The following TRIM44 variants were observed in gnomAD, a reference collection of about 807,000 sequenced individuals.
The protein encoded by TRIM44 is tripartite motif-containing protein 44.
In TRIM44, 13 loss-of-function variants were observed where a neutral mutation model predicts 37.4. The ratio of observed to expected loss-of-function variants is 0.35; its 90% confidence interval spans 0.23 to 0.55. The LOEUF (loss-of-function observed/expected upper bound fraction) is 0.55. Among genes scored for constraint, TRIM44 ranks in the 20% least tolerant of loss-of-function variants. TRIM44 has a pLI of 0.89. For missense variants in TRIM44, 426 were observed against 437.2 expected (o/e 0.97, Z 0.23); for synonymous variants, 175 against 157.2 (o/e 1.11, Z -0.85).
chr11:35,778,236 A>G (rs1391258752), intron 4 of TRIM44, among the ~76,000 whole-genome samples: 3 of 152,004 alleles, frequency 2.0e-5, no homozygotes, highest in African/African-American at 7.2e-5. Flanking sequence ...CCTTTCTTCC[A>G]CTTGATCAAA....
intron 3 of TRIM44, 39 bp downstream of exon 3, chr11:35,726,202 TAGG>T: frequency 2.5e-6 from 4 of 1,605,100 alleles, no homozygotes; most frequent in Non-Finnish European, 3.4e-6. Context: ...GCAAGAGAAA[TAGG>T]AGGAAACTGA....
chr11:35,753,086 T>A (rs1310217834), intron 4 of TRIM44, among the ~76,000 whole-genome samples: 1 of 152,234 alleles, frequency 6.6e-6, no homozygotes, highest in Non-Finnish European at 1.5e-5. Flanking sequence ...TAGGAAAGTC[T>A]TAGATTCACT....
chr11:35,751,418 C>A (rs1852557954), intron 4 of TRIM44, among the ~76,000 whole-genome samples: 1 of 152,104 alleles, frequency 6.6e-6, no homozygotes, highest in Non-Finnish European at 1.5e-5. Context: ...TATGGCCAGG[C>A]CTTGATGCCA....
chr11:35,697,948 T>C (rs1282387355), intron 2 of TRIM44, among the ~76,000 whole-genome samples: 1 of 151,562 alleles, frequency 6.6e-6, no homozygotes, highest in African/African-American at 2.4e-5. Context: ...GCATGATTTA[T>C]AGTCCTTTGG....
At chr11:35,790,696 A>G (rs116478379) in intron 4 of TRIM44, among the ~76,000 whole-genome samples, 2,936 of 152,282 alleles carry the variant, frequency 0.019, 110 homozygotes, top group African/African-American at 0.067. Context: ...TTTGCTGTCT[A>G]CATCAAGCAA....
intron 2 of TRIM44, among the ~76,000 whole-genome samples, chr11:35,686,568 T>C (rs1031533394): frequency 6.6e-6 from 1 of 152,014 alleles, no homozygotes; most frequent in Middle Eastern, 3.2e-3. Flanking sequence ...TTGTTTTTTG[T>C]TTTTTTGAGA....
chr11:35,762,204 G>A lies in TRIM44; in HGVS notation c.1007+26759G>A, dbSNP rs142620682. On this transcript the variant is annotated intron_variant, in intron 4 of 4. Transcript: ENST00000299413. ...ATTCCCCAATATAAATAGACTTTTT[G>A]TGCTAACTCCTGCTTTTCCAATTGA... Among the ~76,000 whole-genome samples the A allele has an allele frequency of 4.5e-3, 692 of 152,288 alleles. 11 individuals carry two copies. Among genetic ancestry groups the A allele is most frequent in the African/African-American group, 0.016 (674 of 41,552 alleles).
At chr11:35,757,757 C>A (rs1173595341) in intron 4 of TRIM44, among the ~76,000 whole-genome samples, 1 of 152,120 alleles carries the variant, frequency 6.6e-6, no homozygotes, top group African/African-American at 2.4e-5. Context: ...TCGTTATGTA[C>A]CCAGTAGTCA....
intron 4 of TRIM44, among the ~76,000 whole-genome samples, chr11:35,754,155 A>T (rs1276735064): frequency 6.6e-6 from 1 of 152,142 alleles, no homozygotes; most frequent in African/African-American, 2.4e-5. Context: ...TTTGTGTTAG[A>T]GGTAATCTTT....
intron 4 of TRIM44, among the ~76,000 whole-genome samples, chr11:35,776,641 A>T (rs2133869177): frequency 6.6e-6 from 1 of 152,260 alleles, no homozygotes; most frequent in East Asian, 1.9e-4. Flanking sequence ...TGTGTCCCAG[A>T]GATTCTGGTA....
At chr11:35,704,861 C>CA (rs1245388050) in intron 2 of TRIM44, among the ~76,000 whole-genome samples, 1 of 151,868 alleles carries the variant, frequency 6.6e-6, no homozygotes, top group Non-Finnish European at 1.5e-5. Flanking sequence ...AACTAATGAG[C>CA]AAAATAACCA....
At chr11:35,724,590 A>G (rs924149545) in intron 2 of TRIM44, among the ~76,000 whole-genome samples, 2 of 152,258 alleles carry the variant, frequency 1.3e-5, no homozygotes, top group South Asian at 2.1e-4. Flanking sequence ...GGAAACATCA[A>G]TAAATACAGT....
intron 1 of TRIM44, among the ~76,000 whole-genome samples, chr11:35,674,235 C>CGTGTGTGT (rs113167193): frequency 0.065 from 9,673 of 149,952 alleles, 357 homozygotes; most frequent in African/African-American, 0.094. Flanking sequence ...AGAGAATTTG[C>CGTGTGTGT]GTGTGTGTGT....
intron 4 of TRIM44, among the ~76,000 whole-genome samples, chr11:35,798,304 A>C (rs992387996): frequency 6.6e-6 from 1 of 152,150 alleles, no homozygotes; most frequent in Non-Finnish European, 1.5e-5. Flanking sequence ...TTATCTTTGT[A>C]GCCATCTTAT....
At chr11:35,742,490 AT>A (rs1432063277) in intron 4 of TRIM44, among the ~76,000 whole-genome samples, 3 of 135,054 alleles carry the variant, frequency 2.2e-5, no homozygotes, top group African/African-American at 5.5e-5. Context: ...TAATTGTATT[AT>A]ATATAATTAT....
intron 1 of TRIM44, among the ~76,000 whole-genome samples, chr11:35,681,401 C>T (rs1320952971): frequency 6.6e-6 from 1 of 152,142 alleles, no homozygotes; most frequent in Non-Finnish European, 1.5e-5. Context: ...GTGAAGCATC[C>T]TATGCTTCTA....
Position 35,809,881 on chromosome 11 carries a change from C to CCACACA in TRIM44, c.*3497_*3498insACACAC, listed in dbSNP as rs151160843. The CCACACA allele has an allele frequency of 6.6e-6, 1 of 151,070 alleles. No homozygotes were observed. Among genetic ancestry groups the CCACACA allele is most frequent in the Non-Finnish European group, 1.5e-5 (1 of 67,738 alleles). The allele number at this position is 151,070 out of a possible 1,614,324, so 9.4% of individuals were successfully genotyped here. On this transcript the variant is annotated 3_prime_UTR_variant, in exon 5 of 5. Coordinates refer to ENST00000299413, the MANE Select transcript of TRIM44 (RefSeq NM_017583.6). ...TATATGTATATACATACATACATGTCCGCACACACACACACAATATTTGAG... is the reference window on the plus strand; with the variant it reads ...TATATGTATATACATACATACATGTCCACACACGCACACACACACACAATATTTGAG...
intron 2 of TRIM44, among the ~76,000 whole-genome samples, chr11:35,689,050 G>C (rs1851612645): frequency 6.6e-6 from 1 of 152,200 alleles, no homozygotes; most frequent in Non-Finnish European, 1.5e-5. Flanking sequence ...GTAGGGAGGG[G>C]AAAAAGAGGT....
At chr11:35,702,981 G>T (rs1361401784) in intron 2 of TRIM44, among the ~76,000 whole-genome samples, 2 of 152,354 alleles carry the variant, frequency 1.3e-5, no homozygotes, top group East Asian at 3.9e-4. Flanking sequence ...AGCGCAAGGG[G>T]TCAGGGAGTT....
Sources: allele counts gnomAD v4.1 joint callset (sites outside exome capture counted in the v4.1 genomes callset), GRCh38; gene constraint gnomAD v4.1.1; transcripts MANE v1.5; gene names NCBI Gene and HGNC (gene_info 2026-07-23, HGNC 2026-07-21).